PIK3CB: variants seen among roughly 807,000 people sequenced by gnomAD.
PIK3CB encodes the protein phosphatidylinositol-4,5-bisphosphate 3-kinase catalytic subunit beta.
In PIK3CB, 39 loss-of-function variants were observed where a neutral mutation model predicts 136.8. The observed-to-expected ratio is 0.29, with a 90% CI of 0.22 to 0.37. The LOEUF is 0.37. Among genes scored for constraint, PIK3CB ranks in the 10% least tolerant of loss-of-function variants. The pLI is 1.00. For missense variants in PIK3CB, 868 were observed against 1,275.4 expected, an observed-to-expected ratio of 0.68 and a Z score of 4.87; for synonymous variants, 428 against 436.6, an observed-to-expected ratio of 0.98 and a Z score of 0.25.
rs1934094553 is a variant in PIK3CB, at chr3:138,832,805, G to A, written c.-122+1890C>T. Among the ~76,000 whole-genome samples the A allele has an allele frequency of 9.4e-5, 13 of 138,870 alleles. No homozygotes were observed. The Admixed American group carries it at 9.7e-4, about 10-fold the overall frequency. 91.1% of individuals were successfully genotyped at this position (138,870 alleles called of 152,430 possible). On this transcript the variant is annotated intron_variant, in intron 1 of 23. Transcript: ENST00000674063. ...AGATCGCGTCATTGCACTCCAGCCT[G>A]GACAACAAAAGCGAAACTCCGTCTC...
intron 19 of PIK3CB, among the ~76,000 whole-genome samples, chr3:138,665,418 T>C (rs920153633): frequency 6.6e-6 from 1 of 152,222 alleles, no homozygotes; most frequent in African/African-American, 2.4e-5. Context: ...AATGTGCCAA[T>C]TACATATAAA....
intron 16 of PIK3CB, among the ~76,000 whole-genome samples, chr3:138,688,415 C>A (rs1042711836): frequency 4.1e-5 from 6 of 147,372 alleles, no homozygotes; most frequent in African/African-American, 1.5e-4. Flanking sequence ...GCAGGAGAAT[C>A]GCTTGAACCC....
intron 2 of PIK3CB, among the ~76,000 whole-genome samples, chr3:138,789,704 T>G (rs1289462514): frequency 1.3e-5 from 2 of 151,698 alleles, no homozygotes; most frequent in Non-Finnish European, 2.9e-5. Flanking sequence ...TCAGCCTTTT[T>G]TTTTTTTGGA....
intron 1 of PIK3CB, among the ~76,000 whole-genome samples, chr3:138,815,377 T>A (rs1576429394): frequency 3.3e-4 from 22 of 65,786 alleles, no homozygotes; most frequent in South Asian, 8.5e-4. Context: ...AAAAAAAAAC[T>A]AGTCAAAACC....
chr3:138,754,971 C>A (rs1422824973), intron 4 of PIK3CB, among the ~76,000 whole-genome samples: 1 of 152,096 alleles, frequency 6.6e-6, no homozygotes, highest in Non-Finnish European at 1.5e-5. Context: ...AAACATTAGC[C>A]CCTGAGACTC....
At chr3:138,827,953 A>C (rs1933856057) in intron 1 of PIK3CB, among the ~76,000 whole-genome samples, 1 of 151,716 alleles carries the variant, frequency 6.6e-6, no homozygotes, top group East Asian at 2.0e-4. Context: ...GCGCCACTGC[A>C]CTCCAACCTG....
intron 12 of PIK3CB, among the ~76,000 whole-genome samples, chr3:138,702,463 A>C (rs753098076): frequency 4.6e-5 from 7 of 152,182 alleles, no homozygotes; most frequent in Non-Finnish European, 8.8e-5. Context: ...CTGCATGCTC[A>C]GTGTGTAGCA....
chr3:138,730,000 G>T (rs977162657), intron 8 of PIK3CB, among the ~76,000 whole-genome samples: 1 of 152,066 alleles, frequency 6.6e-6, no homozygotes, highest in Non-Finnish European at 1.5e-5. Flanking sequence ...CCTTTTTTCA[G>T]ATTTTGCTTT....
At chr3:138,678,338 C>T (rs1042219347) in intron 19 of PIK3CB, among the ~76,000 whole-genome samples, 12 of 151,198 alleles carry the variant, frequency 7.9e-5, no homozygotes, top group African/African-American at 2.9e-4. Flanking sequence ...TGCACTCAAG[C>T]GTGGGTAACA....
chr3:138,825,689 C>T, intron 1 of PIK3CB: 1 of 654,698 alleles, frequency 1.5e-6, no homozygotes, highest in East Asian at 2.5e-5. Flanking sequence ...TTGCATCTGT[C>T]TCTCCAGGAT....
At chr3:138,713,777 CA>C (rs952421424) in intron 9 of PIK3CB, among the ~76,000 whole-genome samples, 3 of 151,984 alleles carry the variant, frequency 2.0e-5, no homozygotes, top group Non-Finnish European at 4.4e-5. Flanking sequence ...AAAAAGCTTT[CA>C]AAAAGCAAGA....
chr3:138,689,891 T>C (rs1216606554), intron 15 of PIK3CB, among the ~76,000 whole-genome samples: 1 of 152,164 alleles, frequency 6.6e-6, no homozygotes, highest in African/African-American at 2.4e-5. Context: ...TTAAAGACAA[T>C]AGGCTGAAAC....
intron 19 of PIK3CB, among the ~76,000 whole-genome samples, chr3:138,670,349 G>C (rs2043508705): frequency 6.6e-6 from 1 of 152,144 alleles, no homozygotes; most frequent in African/African-American, 2.4e-5. Context: ...CCACTGTGTA[G>C]CTTCTGTGCT....
At chr3:138,703,788 T>C (rs2044307522) in intron 12 of PIK3CB, among the ~76,000 whole-genome samples, 1 of 152,196 alleles carries the variant, frequency 6.6e-6, no homozygotes, top group South Asian at 2.1e-4. Flanking sequence ...CTAGAATCTC[T>C]TACTCTTAGC....
intron 1 of PIK3CB, among the ~76,000 whole-genome samples, chr3:138,821,376 G>A (rs113296984): frequency 0.038 from 5,803 of 151,472 alleles, 379 homozygotes; most frequent in African/African-American, 0.13. Flanking sequence ...AGGCTGCGGC[G>A]GGTGGCTCAC....
Position 138,744,392 on chromosome 3 carries a change from C to CAAAAAAAAAAAAAAAAAAAA in PIK3CB, c.398-1631_398-1612dup, listed in dbSNP as rs60503033. Among the ~76,000 whole-genome samples the CAAAAAAAAAAAAAAAAAAAA allele has an allele frequency of 5.3e-3, 237 of 45,108 alleles. 112 individuals are homozygous for CAAAAAAAAAAAAAAAAAAAA. The highest frequency in any genetic ancestry group is 0.01 in the East Asian group (21 of 2,060). 29.6% of individuals were successfully genotyped at this position (45,108 alleles called of 152,430 possible). A position where few individuals can be genotyped will look rare whatever the true frequency, so the allele number is the denominator to read the frequency against. ...ACTGGGTGACAGAGCGAGACTCCCC[C>CAAAAAAAAAAAAAAAAAAAA]AAAAAAAAAAAAAAAAAAAAAAAAA... On this transcript the variant is annotated intron_variant, in intron 4 of 23. Transcript: ENST00000674063.
intron 1 of PIK3CB, among the ~76,000 whole-genome samples, chr3:138,827,798 T>C (rs1201305546): frequency 1.3e-5 from 2 of 148,354 alleles, no homozygotes; most frequent in East Asian, 4.0e-4. Flanking sequence ...GCTAACACGG[T>C]GAAACCCTGT....
intron 1 of PIK3CB, among the ~76,000 whole-genome samples, chr3:138,821,645 A>G (rs962055889): frequency 6.6e-5 from 10 of 152,054 alleles, no homozygotes; most frequent in Admixed American, 4.6e-4. Flanking sequence ...ATTAGCTGGG[A>G]GTGGTGGCAG....
chr3:138,700,838 C>T (rs1400100577), intron 12 of PIK3CB, among the ~76,000 whole-genome samples: 6 of 152,136 alleles, frequency 3.9e-5, no homozygotes, highest in Admixed American at 3.9e-4. Flanking sequence ...CAACCCACTG[C>T]AGTAACACTG....
Sources: allele counts gnomAD v4.1 joint callset (sites outside exome capture counted in the v4.1 genomes callset), GRCh38; gene constraint gnomAD v4.1.1; transcripts MANE v1.5; gene names NCBI Gene and HGNC (gene_info 2026-07-23, HGNC 2026-07-21).